The following ZBTB4 variants were observed in gnomAD, a reference collection of about 807,000 sequenced individuals.
ZBTB4 encodes zinc finger and BTB domain-containing protein 4.
Under a neutral mutation model 59.8 loss-of-function variants are expected in ZBTB4, and 14 were observed. The observed-to-expected ratio is 0.23, with a 90% CI of 0.15 to 0.37. The LOEUF (loss-of-function observed/expected upper bound fraction) is 0.37, where lower values mean the gene tolerates loss of function less well. ZBTB4 is among the 10% of genes least tolerant of loss of function. The pLI is 1.00. For synonymous variants in ZBTB4, 587 were observed against 575.2 expected (o/e 1.02, Z -0.29); for missense variants, 1,198 against 1,380.8 (o/e 0.87, Z 2.10).
rs1008856414 is a variant in ZBTB4 at position 7,469,169 on chromosome 17, TTTTA to T, written c.-80-1846_-80-1843del. ...GCAGTTAGCTTTCCCTCCTTTTAAA[TTTTA>T]TTTATTTGTTTTGAGATGGAGTCTC... On this transcript the variant is annotated intron_variant, in intron 1 of 3. Transcript: ENST00000380599. Among the ~76,000 whole-genome samples the T allele has an allele frequency of 4.6e-5, 7 of 152,162 alleles. No homozygotes were observed. The East Asian group carries it at 5.9e-4, about 13-fold the overall frequency.
chr17:7,467,248 C>A lies in ZBTB4; in HGVS notation c.-10+9G>T. 1 of 995,736 alleles carries A rather than the reference C, an allele frequency of 1.0e-6. No homozygotes were observed. The highest frequency in any genetic ancestry group is 1.2e-6 in the Non-Finnish European group (1 of 836,830). The allele number at this position is 995,736 out of a possible 1,614,324, so 61.7% of individuals were successfully genotyped here. On this transcript the variant is annotated intron_variant, in intron 2 of 3. Transcript: ENST00000380599. ...TGTCCTCACTGTAGGCCTCTGGGTA[C>A]CTTCTCACCTGAGAGCACAGCCAAC...
In ZBTB4 at chr17:7,463,428, C is replaced by A; in HGVS notation, c.1554G>T (p.Lys518Asn). Residue 518 changes from lysine to asparagine, a missense_variant, in exon 4 of 4, where the codon AAG becomes AAT. This residue lies in a region of ZBTB4 where 550 missense variants were observed against 541.8 expected (regional missense o/e 1.02). Coordinates refer to ENST00000380599, the MANE Select transcript of ZBTB4 (RefSeq NM_001128833.2). ...ITYTAPPRPP[K>N]KREYPPPPPE... is the part of the protein sequence containing the mutation. ...GGGGAGGAGGTGGGTATTCTCGTTT[C>A]TTGGGTGGCCTCGGGGGAGCAGTGT... The A allele has an allele frequency of 6.4e-7, 1 of 1,565,260 alleles. No homozygotes were observed.
At chr17:7,471,583 C>G (rs1000536215) in intron 1 of ZBTB4, among the ~76,000 whole-genome samples, 1 of 152,260 alleles carries the variant, frequency 6.6e-6, no homozygotes, top group Middle Eastern at 3.4e-3. Flanking sequence ...GCTAGCCAAC[C>G]CAGCGTTTGG....
upstream of ZBTB4, among the ~76,000 whole-genome samples, chr17:7,480,848 C>A (rs1252248316): frequency 6.6e-6 from 1 of 151,782 alleles, no homozygotes; most frequent in South Asian, 2.1e-4. Context: ...GTCATGGAGA[C>A]ATAAATAGAA....
In ZBTB4 at chr17:7,463,065, G is replaced by A. The variant is rs537131535; in HGVS notation, c.1917C>T (p.Asp639=). 15 of 1,610,140 alleles carry A rather than the reference G, an allele frequency of 9.3e-6. No homozygotes were observed. The highest frequency in any genetic ancestry group is 3.3e-5 in the South Asian group (3 of 90,928). ...CCTCCTCTTCGTCCTCCTCCTCTTC[G>A]TCCTCCTCACTCTCCTCCATCTCCT... The part of the protein sequence containing the change: ...SGEEMEESEE[D]EEEEDEEEEE... The change falls in exon 4 of 4, where the codon GAC becomes GAT. Residue 639 remains aspartate, a synonymous_variant. Coordinates refer to ENST00000380599, the MANE Select transcript of ZBTB4 (RefSeq NM_001128833.2).
chr17:7,471,898 GT>G (rs914502451), intron 1 of ZBTB4, among the ~76,000 whole-genome samples: 3 of 152,168 alleles, frequency 2.0e-5, no homozygotes, highest in African/African-American at 7.2e-5. Context: ...TGGTTTTAGA[GT>G]TTTTTATTTG....
Position 7,466,644 on chromosome 17 carries a change from G to T in ZBTB4, c.158C>A (p.Pro53His). The change falls in exon 3 of 4, where the codon CCC (proline) becomes CAC (histidine). Residue 53 changes from proline to histidine, a missense_variant. Transcript: ENST00000380599. This position sits in a 1 kb window ranked among gnomAD's most constrained non-coding sequence, Gnocchi z 9.1. ...AHRSVLAASSPFFREALLTSA... is the reference protein window; with the variant it reads ...AHRSVLAASSHFFREALLTSA... ...AGTGAGCAGGGCCTCTCTGAAGAAG[G>T]GACTTGAAGCAGCCAGGACGCTGCG... The T allele has an allele frequency of 6.2e-7, 1 of 1,613,892 alleles. No individual in the cohort carries two copies.
Position 7,463,221 on chromosome 17 carries a change from C to T in ZBTB4, c.1761G>A (p.Gly587=), listed in dbSNP as rs765848525. 1.9e-5 allele frequency: 31 copies of T among 1,610,342 alleles called. No homozygotes were observed. The Middle Eastern group carries it at 4.9e-4, about 26-fold the overall frequency. Reference sequence around the variant, plus strand: ...GCAGCTGAGAGGGGCCCCGGCCAGCCCCTGTGGGGGGACCCCCACCTCCAC... The same window carrying T: ...GCAGCTGAGAGGGGCCCCGGCCAGCTCCTGTGGGGGGACCCCCACCTCCAC... ...GIGGGGGPPT[G]AGRGPSQLQA... Residue 587 remains glycine (G), a synonymous_variant, in exon 4 of 4, where the codon GGG becomes GGA. Transcript: ENST00000380599.
intron 1 of ZBTB4, among the ~76,000 whole-genome samples, chr17:7,470,389 C>A (rs1019302185): frequency 4.0e-5 from 6 of 151,020 alleles, no homozygotes; most frequent in Non-Finnish European, 7.4e-5. Context: ...CAGAACAAGA[C>A]CCTGCCTCAA....
upstream of ZBTB4, among the ~76,000 whole-genome samples, chr17:7,479,999 AC>A (rs1227618920): frequency 6.6e-6 from 1 of 151,952 alleles, no homozygotes; most frequent in Non-Finnish European, 1.5e-5. Flanking sequence ...GACATGGCAG[AC>A]TCATAATCAG....
rs1426481431 is a variant in ZBTB4 at position 7,462,731 on chromosome 17, C to A, written c.2251G>T (p.Gly751Cys). 6.2e-7 allele frequency: 1 copy of A among 1,603,852 alleles called. No individual in the cohort carries two copies. The highest frequency in any genetic ancestry group is 8.5e-7 in the Non-Finnish European group (1 of 1,179,786). ...LRKHQEAHGG[G>C]SHSSRAGRRP... is the part of the protein sequence containing the mutation. The stretch of plus-strand genomic sequence containing the variant: ...CGTCCGGCCCGGGAGCTGTGGGAGC[C>A]CCCACCGTGGGCCTCTTGGTGCTTC... The change falls in exon 4 of 4, where the codon GGC becomes TGC. Residue 751 changes from glycine (G) to cysteine (C), a missense_variant. By Grantham distance (159) the Gly-to-Cys change is radical. Around this residue, in one of 9 missense-constraint regions of ZBTB4, gnomAD observed 550 missense variants for 541.8 expected, o/e 1.02. Coordinates refer to ENST00000380599, the MANE Select transcript of ZBTB4 (RefSeq NM_001128833.2). The surrounding 1 kb of genome is among the most constrained non-coding windows in gnomAD (Gnocchi z 7.5).
At chr17:7,476,276 A>C (rs2070268170) in intron 1 of ZBTB4, among the ~76,000 whole-genome samples, 1 of 152,182 alleles carries the variant, frequency 6.6e-6, no homozygotes, top group Non-Finnish European at 1.5e-5. Context: ...AAATTCTTCT[A>C]CCAGGCAGTC....
At chr17:7,477,632 T>A in intron 1 of ZBTB4, among the ~76,000 whole-genome samples, 1 of 152,310 alleles carries the variant, frequency 6.6e-6, no homozygotes, top group South Asian at 2.1e-4. Flanking sequence ...TTCTGAGGAA[T>A]CTGCCTAGTG....
At chr17:7,469,206 G>A (rs951554150) in intron 1 of ZBTB4, among the ~76,000 whole-genome samples, 7 of 152,046 alleles carry the variant, frequency 4.6e-5, no homozygotes, top group African/African-American at 1.7e-4. Flanking sequence ...CTCGCTCTGC[G>A]CCCAGACTGG....
chr17:7,475,974 T>C (rs1204806492), intron 1 of ZBTB4, among the ~76,000 whole-genome samples: 3 of 152,204 alleles, frequency 2.0e-5, no homozygotes, highest in Non-Finnish European at 2.9e-5. Flanking sequence ...AAATGTGTCA[T>C]GTCTGACTCC....
chr17:7,466,721 G>A lies in ZBTB4; in HGVS notation c.81C>T (p.Gly27=). The change falls in exon 3 of 4, where the codon GGC becomes GGT. Residue 27 remains glycine (G), a synonymous_variant. Coordinates refer to ENST00000380599, the MANE Select transcript of ZBTB4 (RefSeq NM_001128833.2). The surrounding 1 kb of genome is among the most constrained non-coding windows in gnomAD (Gnocchi z 9.1). ...LRQLNEQRLR[G]LFCDVTLIAG... Reference sequence around the variant, plus strand: ...CTATGAGGGTGACGTCACAGAAGAGGCCACGGAGCCGCTGTTCATTGAGCT... The same window carrying A: ...CTATGAGGGTGACGTCACAGAAGAGACCACGGAGCCGCTGTTCATTGAGCT... The A allele has an allele frequency of 6.2e-7, 1 of 1,603,532 alleles. No homozygotes were observed. The highest frequency in any genetic ancestry group is 8.5e-7 in the Non-Finnish European group (1 of 1,175,830).
Position 7,465,868 on chromosome 17 carries a change from C to A in ZBTB4, c.934G>T (p.Ala312Ser), listed in dbSNP as rs770942130. The stretch of plus-strand genomic sequence containing the variant: ...GTCACGTAGGAACGCTCGCAGGCCG[C>A]GCACACATACAGCACGTGGCCGCCC... Reference protein sequence around the residue: ...VVGGHVLYVCAACERSYVTLS... With the variant: ...VVGGHVLYVCSACERSYVTLS... Residue 312 changes from alanine (A) to serine (S), a missense_variant, in exon 3 of 4, where the codon GCG becomes TCG. Physicochemically the swap from Ala to Ser is moderately conservative, Grantham distance 99. Around this residue, in one of 9 missense-constraint regions of ZBTB4, gnomAD observed 204 missense variants for 205.5 expected, o/e 0.99. Coordinates refer to ENST00000380599, the MANE Select transcript of ZBTB4 (RefSeq NM_001128833.2). 14 of 1,614,042 alleles carry A rather than the reference C, an allele frequency of 8.7e-6. No individual in the cohort carries two copies. Among genetic ancestry groups the A allele is most frequent in the South Asian group, 3.3e-5 (3 of 91,094 alleles).
chr17:7,472,549 T>C (rs942210387), intron 1 of ZBTB4, among the ~76,000 whole-genome samples: 4 of 152,000 alleles, frequency 2.6e-5, no homozygotes, highest in African/African-American at 9.7e-5. Context: ...AAGGCTGGTT[T>C]TGAACTCCTG....
chr17:7,464,129 C>T, intron 3 of ZBTB4, among the ~76,000 whole-genome samples: 1 of 152,232 alleles, frequency 6.6e-6, no homozygotes, highest in African/African-American at 2.4e-5. Flanking sequence ...ACGGAGCCTT[C>T]TTCTCAAGCC....
Sources: gnomAD v4.1 joint callset for allele counts (sites outside exome capture counted in the v4.1 genomes callset) on GRCh38, gnomAD v4.1.1 for gene constraint, gnomAD v4.1.1 regional missense constraint, Gnocchi (gnomAD v3.1) non-coding constraint, MANE v1.5 for transcripts, NCBI Gene and HGNC (gene_info 2026-07-23, HGNC 2026-07-21) for gene names.